The following FAM20B variants were observed in gnomAD, a reference collection of about 807,000 sequenced individuals.
FAM20B encodes glycosaminoglycan xylosylkinase.
FAM20B carries 23 observed loss-of-function variants against 43.8 expected under a neutral mutation model. The ratio of observed to expected loss-of-function variants is 0.53; its 90% CI spans 0.38 to 0.74. The LOEUF (loss-of-function observed/expected upper bound fraction) is 0.74. Among genes scored for constraint, FAM20B ranks in the 30% least tolerant of loss-of-function variants. The pLI, the probability that FAM20B is intolerant of heterozygous loss-of-function variation, is 0.00. For synonymous variants in FAM20B, 178 were observed against 192.4 expected (o/e 0.93, Z 0.62); for missense variants, 440 against 510.5 (o/e 0.86, Z 1.33).
At chr1:179,065,836 A>C (rs563577739) in intron 6 of FAM20B, among the ~76,000 whole-genome samples, 2 of 152,186 alleles carry the variant, frequency 1.3e-5, no homozygotes, top group Non-Finnish European at 2.9e-5. Flanking sequence ...TATTGCTTAC[A>C]GTTTTGGAGG....
chr1:179,068,995 G>A (rs553651059), intron 7 of FAM20B, among the ~76,000 whole-genome samples: 1 of 152,224 alleles, frequency 6.6e-6, no homozygotes, highest in Non-Finnish European at 1.5e-5. Flanking sequence ...TGCAGAAGGA[G>A]AGAGAGAATC....
rs1398942622 is a variant in FAM20B, at chr1:179,044,013, C to T, written c.166C>T (p.Leu56=). 8.1e-6 allele frequency: 13 copies of T among 1,614,078 alleles called. No individual in the cohort carries two copies. The highest frequency in any genetic ancestry group is 1.3e-5 in the African/African-American group (1 of 74,922). ...CTTGCGGGTGGAGCTGGCACCCAAG[C>T]TGGACCATACCTTGCAGTCTCCCTG... ...TGLRVELAPK[L]DHTLQSPWEI... is the part of the protein sequence containing the mutation. The change falls in exon 2 of 8, where the codon CTG becomes TTG. Residue 56 remains leucine (L), a synonymous_variant. Coordinates refer to ENST00000263733, the MANE Select transcript of FAM20B (RefSeq NM_014864.4).
intron 2 of FAM20B, among the ~76,000 whole-genome samples, chr1:179,046,866 C>T (rs1159604418): frequency 6.6e-6 from 1 of 151,176 alleles, no homozygotes; most frequent in Non-Finnish European, 1.5e-5. Flanking sequence ...TAGCTAGGCA[C>T]GTGCCTGTAA....
rs1260921609 is a variant in FAM20B at position 179,064,356 on chromosome 1, T to TG, written c.799dup (p.Asp267GlyfsTer11). 1 of 1,614,080 alleles carries TG rather than the reference T, an allele frequency of 6.2e-7. No individual in the cohort carries two copies. The highest frequency in any genetic ancestry group is 8.5e-7 in the Non-Finnish European group (1 of 1,179,944). On this transcript the variant is annotated frameshift_variant, in exon 6 of 8. Coordinates refer to ENST00000263733, the MANE Select transcript of FAM20B (RefSeq NM_014864.4). LOFTEE classifies it high-confidence loss of function. ...ATGCTGTGAAGAAAACGTCCCCTTATGACTCTGGCCCGCGCCTCTTGGACA... is the reference window on the plus strand; with the variant it reads ...ATGCTGTGAAGAAAACGTCCCCTTATGGACTCTGGCCCGCGCCTCTTGGACA...
In FAM20B at chr1:179,033,344, T is replaced by C. The variant is rs570650204; in HGVS notation, c.-134+7246T>C. Among the ~76,000 whole-genome samples the C allele has an allele frequency of 2.0e-5, 3 of 152,368 alleles. No individual in the cohort carries two copies. The South Asian group carries it at 6.2e-4, about 32-fold the overall frequency. ...TACCTTTAAGAGACTTTGTTAATTA[T>C]GTATCTTTCTAAATATATACAATGA... is the stretch of plus-strand genomic sequence containing the variant. On this transcript the variant is annotated intron_variant, in intron 1 of 7. Transcript: ENST00000263733.
At chr1:179,041,784 G>A (rs1337092157) in intron 1 of FAM20B, among the ~76,000 whole-genome samples, 1 of 150,924 alleles carries the variant, frequency 6.6e-6, no homozygotes, top group Non-Finnish European at 1.5e-5. Flanking sequence ...AGGACCCTCT[G>A]GCATTTTTAG....
chr1:179,035,594 G>T, intron 1 of FAM20B: 1 of 557,606 alleles, frequency 1.8e-6, no homozygotes, highest in Non-Finnish European at 3.3e-6. Context: ...TGCAGCGAAT[G>T]GCTGCACGTA....
At chr1:179,059,662 C>T (rs981504058) in intron 4 of FAM20B, among the ~76,000 whole-genome samples, 1 of 152,044 alleles carries the variant, frequency 6.6e-6, no homozygotes, top group African/African-American at 2.4e-5. Context: ...GTAATGGATT[C>T]ACACAATTCA....
intron 1 of FAM20B, among the ~76,000 whole-genome samples, chr1:179,039,938 AC>A (rs1320690605): frequency 6.6e-6 from 1 of 152,076 alleles, no homozygotes; most frequent in African/African-American, 2.4e-5. Flanking sequence ...ATGACTCTTA[AC>A]GAGCATGCTG....
chr1:179,071,585 C>G (rs1275588745), intron 7 of FAM20B, among the ~76,000 whole-genome samples: 1 of 152,144 alleles, frequency 6.6e-6, no homozygotes, highest in Non-Finnish European at 1.5e-5. Context: ...TTAACAGCTG[C>G]ATGGTATTCC....
chr1:179,069,347 C>T (rs1309002877), intron 7 of FAM20B, among the ~76,000 whole-genome samples: 2 of 152,124 alleles, frequency 1.3e-5, no homozygotes, highest in Non-Finnish European at 2.9e-5. Flanking sequence ...TCCGTCGTAG[C>T]AGAGCACATT....
intron 3 of FAM20B, among the ~76,000 whole-genome samples, chr1:179,051,563 G>A (rs191036250): frequency 6.6e-6 from 1 of 152,006 alleles, no homozygotes; most frequent in African/African-American, 2.4e-5. Context: ...GGAGGTCGAG[G>A]CTGCAGTGAG....
At chr1:179,045,713 C>CT in intron 2 of FAM20B, among the ~76,000 whole-genome samples, 1 of 151,928 alleles carries the variant, frequency 6.6e-6, no homozygotes, top group South Asian at 2.1e-4. Context: ...TAGTGAGACT[C>CT]TGTCTCTATA....
chr1:179,057,513 T>C (rs1651275474), intron 4 of FAM20B, among the ~76,000 whole-genome samples: 1 of 152,182 alleles, frequency 6.6e-6, no homozygotes, highest in African/African-American at 2.4e-5. Flanking sequence ...ATCTGATCCT[T>C]TTGACAATAG....
At chr1:179,052,911 T>C (rs1651064665) in intron 3 of FAM20B, among the ~76,000 whole-genome samples, 1 of 152,250 alleles carries the variant, frequency 6.6e-6, no homozygotes, top group African/African-American at 2.4e-5. Flanking sequence ...ACCAGTGTTT[T>C]GTATTGCCCA....
At chr1:179,038,421 A>AG (rs1008611881) in intron 1 of FAM20B, among the ~76,000 whole-genome samples, 16 of 151,932 alleles carry the variant, frequency 1.1e-4, no homozygotes, top group Admixed American at 7.2e-4. Context: ...CAAAAAAAAA[A>AG]AAAAAGAAAA....
At chr1:179,055,397 G>C (rs1193233415) in intron 4 of FAM20B, among the ~76,000 whole-genome samples, 2 of 152,110 alleles carry the variant, frequency 1.3e-5, no homozygotes, top group Non-Finnish European at 2.9e-5. Context: ...ACTTCACCTT[G>C]CTTTTTTTTG....
intron 2 of FAM20B, among the ~76,000 whole-genome samples, chr1:179,049,855 A>T (rs1650927781): frequency 6.6e-6 from 1 of 152,164 alleles, no homozygotes; most frequent in Non-Finnish European, 1.5e-5. Flanking sequence ...AAAAGTTTTA[A>T]TTACACATTT....
At chr1:179,040,681 C>A (rs1296141063) in intron 1 of FAM20B, among the ~76,000 whole-genome samples, 26 of 125,632 alleles carry the variant, frequency 2.1e-4, no homozygotes, top group Non-Finnish European at 4.1e-4. Flanking sequence ...ACCTCCCTCC[C>A]GGACGGGGCG....
Sources: allele counts gnomAD v4.1 joint callset (sites outside exome capture counted in the v4.1 genomes callset), GRCh38; gene constraint gnomAD v4.1.1; transcripts MANE v1.5; gene names NCBI Gene and HGNC (gene_info 2026-07-23, HGNC 2026-07-21).